Variants in SNTN observed in about 807,000 individuals in gnomAD.
The protein encoded by SNTN is sentan, cilia apical structure protein.
Under a neutral mutation model 12.3 loss-of-function variants are expected in SNTN, and 13 were observed. The ratio of observed to expected loss-of-function variants is 1.05; its 90% CI spans 0.69 to 1.67. The LOEUF is 1.67. SNTN is among the 40% of genes most tolerant of loss of function. The pLI is 0.00. For synonymous variants in SNTN, 69 were observed against 58.5 expected, an observed-to-expected ratio of 1.18 and a Z score of -0.82; for missense variants, 189 against 169.8, an observed-to-expected ratio of 1.11 and a Z score of -0.63.
chr3:63,661,656 G>A (rs912198771), intron 3 of SNTN, among the ~76,000 whole-genome samples: 1 of 146,172 alleles, frequency 6.8e-6, no homozygotes, highest in African/African-American at 2.4e-5. Flanking sequence ...GTATTTTTCT[G>A]ATTTTTTTTT....
intron 2 of SNTN, among the ~76,000 whole-genome samples, chr3:63,658,821 A>G (rs1700710624): frequency 1.3e-5 from 2 of 152,174 alleles, no homozygotes; most frequent in Admixed American, 6.6e-5. Context: ...ATTGTTGCAC[A>G]TTACCTGGAC....
Position 63,659,737 on chromosome 3 carries a change from G to T in SNTN, c.158G>T (p.Cys53Phe). 1 of 1,613,918 alleles carries T rather than the reference G, an allele frequency of 6.2e-7. No individual in the cohort carries two copies. The highest frequency in any genetic ancestry group is 8.5e-7 in the Non-Finnish European group (1 of 1,179,880). The change falls in exon 3 of 4, where the codon TGC becomes TTC. Residue 53 changes from cysteine to phenylalanine, a missense_variant. Coordinates refer to ENST00000343837, the MANE Select transcript of SNTN (RefSeq NM_001080537.2). Reference sequence around the variant, plus strand: ...TCTTCTCTCCTAGCTCTGAGGAAGTGCTCAGATCTGGAAAAAGCTATTGCC... The same window carrying T: ...TCTTCTCTCCTAGCTCTGAGGAAGTTCTCAGATCTGGAAAAAGCTATTGCC... ...QLASVKALRKCSDLEKAIATT... is the reference protein window; with the variant it reads ...QLASVKALRKFSDLEKAIATT...
Position 63,652,708 on chromosome 3 carries a change from T to C in SNTN, c.21T>C (p.Ser7=). Residue 7 remains serine, a synonymous_variant, in exon 1 of 4, where the codon AGT becomes AGC. Transcript: ENST00000343837. ...AGAGAATGGGTGGCTGTATGCACAGTACCCAGGACAAATCTCTCCACTTGG... is the reference window on the plus strand; with the variant it reads ...AGAGAATGGGTGGCTGTATGCACAGCACCCAGGACAAATCTCTCCACTTGG... MGGCMH[S]TQDKSLHLEG... 6.2e-7 allele frequency: 1 copy of C among 1,613,958 alleles called. No homozygotes were observed. Among genetic ancestry groups the C allele is most frequent in the Non-Finnish European group, 8.5e-7 (1 of 1,179,924 alleles).
Position 63,659,861 on chromosome 3 carries a change from A to G in SNTN, c.282A>G (p.Ala94=), listed in dbSNP as rs746082148. The stretch of plus-strand genomic sequence containing the variant: ...TGCAAACCCAATTTAGGAATTTCGC[A>G]GAGGTGAGAGAATTAACTTGCATAA... ...DLLQTQFRNF[A]EGQETKPKYR... The change falls in exon 3 of 4, where the codon GCA becomes GCG. Residue 94 remains alanine, a synonymous_variant. Coordinates refer to ENST00000343837, the MANE Select transcript of SNTN (RefSeq NM_001080537.2). 5.0e-6 allele frequency: 8 copies of G among 1,613,956 alleles called. No homozygotes were observed. The highest frequency in any genetic ancestry group is 6.8e-6 in the Non-Finnish European group (8 of 1,179,892).
Position 63,664,060 on chromosome 3 carries a change from C to T in SNTN, c.409C>T (p.Leu137=), listed in dbSNP as rs751005124. The change falls in exon 4 of 4, where the codon CTA becomes TTA. Residue 137 remains leucine, a synonymous_variant. Coordinates refer to ENST00000343837, the MANE Select transcript of SNTN (RefSeq NM_001080537.2). The part of the protein sequence containing the change: ...LLSITVMSDL[L]QNIRNVKIMK ...AAGCATCACTGTCATGTCAGATCTGCTACAAAATATACGGAATGTAAAAAT... is the reference window on the plus strand; with the variant it reads ...AAGCATCACTGTCATGTCAGATCTGTTACAAAATATACGGAATGTAAAAAT... 1.9e-6 allele frequency: 3 copies of T among 1,611,868 alleles called. No homozygotes were observed. The highest frequency in any genetic ancestry group is 8.5e-7 in the Non-Finnish European group (1 of 1,179,320).
chr3:63,653,279 A>C (rs4688174), intron 1 of SNTN, among the ~76,000 whole-genome samples: 1 of 151,952 alleles, frequency 6.6e-6, no homozygotes, highest in Non-Finnish European at 1.5e-5. Flanking sequence ...GAACTGCATG[A>C]TTCTTTCTTC....
At chr3:63,657,186 T>C (rs1167545343) in intron 2 of SNTN, among the ~76,000 whole-genome samples, 2 of 152,158 alleles carry the variant, frequency 1.3e-5, no homozygotes, top group Non-Finnish European at 2.9e-5. Context: ...GGATAGAGTA[T>C]GCAGCGACTA....
In SNTN at chr3:63,664,215, T is replaced by C. The variant is rs1700776929; in HGVS notation, c.*120T>C. 3 of 949,916 alleles carry C rather than the reference T, an allele frequency of 3.2e-6. No homozygotes were observed. Among genetic ancestry groups the C allele is most frequent in the Admixed American group, 6.0e-5 (2 of 33,276 alleles). The allele number at this position is 949,916 out of a possible 1,614,324, so 58.8% of individuals were successfully genotyped here. On this transcript the variant is annotated 3_prime_UTR_variant, in exon 4 of 4. Transcript: ENST00000343837. ...CATCTGAAATTGCCTAGGATGGTTC[T>C]GATTGCTGGTATTCAGATCCAATGT...
intron 1 of SNTN, among the ~76,000 whole-genome samples, 198 bp from the exon 2 acceptor site, chr3:63,654,564 G>A (rs1281436331): frequency 6.6e-6 from 1 of 152,168 alleles, no homozygotes; most frequent in Non-Finnish European, 1.5e-5. Flanking sequence ...TGGGTAGCTG[G>A]CCAGCCATGT....
intron 2 of SNTN, among the ~76,000 whole-genome samples, chr3:63,658,091 C>T (rs1176504089): frequency 1.3e-5 from 2 of 152,126 alleles, no homozygotes; most frequent in African/African-American, 2.4e-5. Flanking sequence ...TACAAACACC[C>T]TTCCAGCCCC....
intron 3 of SNTN, among the ~76,000 whole-genome samples, chr3:63,660,725 G>T (rs534551126): frequency 6.6e-6 from 1 of 152,302 alleles, no homozygotes; most frequent in Non-Finnish European, 1.5e-5. Context: ...TTTGAGGTGG[G>T]ATGGAGGTAG....
rs1048721648 is a variant in SNTN, at chr3:63,664,161, T to C, written c.*66T>C. ...GTGTTATTAAAATGTTTCCATCTTA[T>C]TTTTGATTAATTGAATATATCTATC... On this transcript the variant is annotated 3_prime_UTR_variant, in exon 4 of 4. Coordinates refer to ENST00000343837, the MANE Select transcript of SNTN (RefSeq NM_001080537.2). 1 of 1,424,990 alleles carries C rather than the reference T, an allele frequency of 7.0e-7. No homozygotes were observed. Among genetic ancestry groups the C allele is most frequent in the South Asian group, 1.4e-5 (1 of 70,186 alleles). 88.3% of individuals were successfully genotyped at this position (1,424,990 alleles called of 1,614,324 possible). A position where few individuals can be genotyped will look rare whatever the true frequency, so the allele number is the denominator to read the frequency against.
At chr3:63,653,937 C>T (rs1237618690) in intron 1 of SNTN, among the ~76,000 whole-genome samples, 1 of 152,182 alleles carries the variant, frequency 6.6e-6, no homozygotes, top group Non-Finnish European at 1.5e-5. Flanking sequence ...TCCTCTGGTT[C>T]TTCAATCATA....
rs998395912 is a variant in SNTN, at chr3:63,664,797, G to A, written c.*702G>A. The A allele has an allele frequency of 6.6e-6, 1 of 151,546 alleles. No homozygotes were observed. Among genetic ancestry groups the A allele is most frequent in the East Asian group, 1.9e-4 (1 of 5,154 alleles). 9.4% of individuals were successfully genotyped at this position (151,546 alleles called of 1,614,324 possible). A position where few individuals can be genotyped will look rare whatever the true frequency, so the allele number is the denominator to read the frequency against. ...GACAGAGTTTTGCTCTTGTTGCCCAGGCTGGAGTGCAATGGCACGATCTCA... is the reference window on the plus strand; with the variant it reads ...GACAGAGTTTTGCTCTTGTTGCCCAAGCTGGAGTGCAATGGCACGATCTCA... On this transcript the variant is annotated 3_prime_UTR_variant, in exon 4 of 4. Transcript: ENST00000343837.
chr3:63,655,589 A>C (rs1180201111), intron 2 of SNTN, among the ~76,000 whole-genome samples: 1 of 152,178 alleles, frequency 6.6e-6, no homozygotes, highest in East Asian at 1.9e-4. Context: ...GTCTAACATA[A>C]CTTCTCCTTC....
chr3:63,657,557 ATAT>A (rs1270485777), intron 2 of SNTN, among the ~76,000 whole-genome samples: 2 of 152,204 alleles, frequency 1.3e-5, no homozygotes, highest in African/African-American at 2.4e-5. Flanking sequence ...TTTATTTTTA[ATAT>A]TTTCTAGCTC....
At chr3:63,655,303 G>T (rs1200759225) in intron 2 of SNTN, among the ~76,000 whole-genome samples, 1 of 151,986 alleles carries the variant, frequency 6.6e-6, no homozygotes, top group Non-Finnish European at 1.5e-5. Context: ...AACAATGTAA[G>T]AAAAAAACGC....
intron 1 of SNTN, among the ~76,000 whole-genome samples, chr3:63,653,789 T>A (rs959462244): frequency 7.9e-5 from 12 of 152,210 alleles, no homozygotes; most frequent in African/African-American, 2.9e-4. Context: ...AAAATGCAAA[T>A]CTGATCATGT....
At chr3:63,654,580 C>T (rs1700655081) in intron 1 of SNTN, among the ~76,000 whole-genome samples, 182 bp from the exon 2 acceptor site, 1 of 152,202 alleles carries the variant, frequency 6.6e-6, no homozygotes, top group African/African-American at 2.4e-5. Flanking sequence ...CATGTGCAGG[C>T]ATTTCTTTAC....
Sources: gnomAD v4.1 joint callset for allele counts (sites outside exome capture counted in the v4.1 genomes callset) on GRCh38, gnomAD v4.1.1 for gene constraint, MANE v1.5 for transcripts, NCBI Gene and HGNC (gene_info 2026-07-23, HGNC 2026-07-21) for gene names.